CADPS2: variants seen among roughly 807,000 people sequenced by gnomAD.
The protein encoded by CADPS2 is calcium dependent secretion activator 2.
Under a neutral mutation model 172.5 loss-of-function variants are expected in CADPS2, and 93 were observed. The observed-to-expected ratio is 0.54, with a 90% CI of 0.46 to 0.64. The LOEUF (loss-of-function observed/expected upper bound fraction) is 0.64, where lower values mean the gene tolerates loss of function less well. Among genes scored for constraint, CADPS2 ranks in the 30% least tolerant of loss-of-function variants. The pLI, the probability that CADPS2 is intolerant of heterozygous loss-of-function variation, is 0.00. For missense variants in CADPS2, 1,420 were observed against 1,565.9 expected, an observed-to-expected ratio of 0.91 and a Z score of 1.57; for synonymous variants, 546 against 555.2, an observed-to-expected ratio of 0.98 and a Z score of 0.23.
chr7:122,332,528 T>G (rs1446729226), intron 28 of CADPS2, among the ~76,000 whole-genome samples: 1 of 152,114 alleles, frequency 6.6e-6, no homozygotes, highest in African/African-American at 2.4e-5. Flanking sequence ...AAGAGTATCA[T>G]GTCTATTAAG....
chr7:122,429,456 T>C (rs1165809653), intron 17 of CADPS2, among the ~76,000 whole-genome samples: 1 of 151,452 alleles, frequency 6.6e-6, no homozygotes, highest in Admixed American at 6.6e-5. Context: ...AGACAACAGG[T>C]TACTGTCTTT....
At chr7:122,849,905 A>G (rs1813059808) in intron 1 of CADPS2, 2 of 570,012 alleles carry the variant, frequency 3.5e-6, no homozygotes, top group Admixed American at 4.7e-5. Flanking sequence ...CCCTGCCCCA[A>G]CCATGGCATC....
intron 1 of CADPS2, among the ~76,000 whole-genome samples, chr7:122,873,619 TAC>T (rs946980311): frequency 8.5e-5 from 13 of 152,214 alleles, no homozygotes; most frequent in African/African-American, 2.9e-4. Flanking sequence ...TAAATAGTGC[TAC>T]AGTAAACGTA....
intron 1 of CADPS2, among the ~76,000 whole-genome samples, chr7:122,879,398 C>T (rs1415171209): frequency 1.3e-5 from 2 of 150,902 alleles, no homozygotes; most frequent in East Asian, 2.0e-4. Flanking sequence ...TAGCCAGACA[C>T]GGTGGCACGT....
chr7:122,605,265 CTT>C (rs779303035), intron 6 of CADPS2, among the ~76,000 whole-genome samples: 3 of 151,984 alleles, frequency 2.0e-5, no homozygotes, highest in Non-Finnish European at 4.4e-5. Context: ...CTACTACAGA[CTT>C]TATAAAAACT....
intron 2 of CADPS2, among the ~76,000 whole-genome samples, chr7:122,711,984 CAGTTA>C (rs1177479947): frequency 6.6e-6 from 1 of 151,864 alleles, no homozygotes; most frequent in Non-Finnish European, 1.5e-5. Flanking sequence ...ACATATTTTG[CAGTTA>C]AAACAGTACA....
intron 28 of CADPS2, among the ~76,000 whole-genome samples, chr7:122,334,597 T>G (rs1038152018): frequency 6.6e-6 from 1 of 152,210 alleles, no homozygotes. Flanking sequence ...TGCTCTTATC[T>G]CACAGTCACG....
chr7:122,848,360 AGGAAATAG>A (rs1419555121), intron 1 of CADPS2, among the ~76,000 whole-genome samples: 1 of 152,178 alleles, frequency 6.6e-6, no homozygotes, highest in Admixed American at 6.5e-5. Flanking sequence ...AAGATTCAAG[AGGAAATAG>A]GGCCCTCCTT....
chr7:122,364,211 G>T (rs2151172639), intron 25 of CADPS2, among the ~76,000 whole-genome samples: 1 of 151,872 alleles, frequency 6.6e-6, no homozygotes, highest in Admixed American at 6.6e-5. Context: ...AGGAGTTCAA[G>T]ACCAGCCTGG....
At chr7:122,563,547 T>C (rs919304689) in intron 7 of CADPS2, among the ~76,000 whole-genome samples, 3 of 152,182 alleles carry the variant, frequency 2.0e-5, no homozygotes, top group African/African-American at 7.2e-5. Flanking sequence ...CTTTCAATTT[T>C]ATATCGCCCC....
rs1459016849 is a variant in CADPS2, at chr7:122,679,964, T to C, written c.454-16395A>G. Among the ~76,000 whole-genome samples the C allele has an allele frequency of 2.6e-5, 4 of 152,216 alleles. 1 individual carries two copies. Among genetic ancestry groups the C allele is most frequent in the Non-Finnish European group, 5.9e-5 (4 of 68,042 alleles). On this transcript the variant is annotated intron_variant, in intron 2 of 29. Transcript: ENST00000449022. ...TATCATCTTTGCTTCCAAGTTAAACTATAAACTAAATCTTTGCCATGATTA... is the reference window on the plus strand; with the variant it reads ...TATCATCTTTGCTTCCAAGTTAAACCATAAACTAAATCTTTGCCATGATTA...
intron 7 of CADPS2, among the ~76,000 whole-genome samples, chr7:122,566,960 T>C (rs921678057): frequency 1.3e-5 from 2 of 152,226 alleles, no homozygotes; most frequent in African/African-American, 2.4e-5. Flanking sequence ...GGCCTTACCC[T>C]CAAAAGGATA....
chr7:122,667,631 G>A (rs1018083174), intron 2 of CADPS2, among the ~76,000 whole-genome samples: 9 of 152,018 alleles, frequency 5.9e-5, no homozygotes, highest in Non-Finnish European at 8.8e-5. Context: ...ATAATAGGGC[G>A]ACAGCAGCAA....
chr7:122,560,030 T>A (rs2065543166), intron 7 of CADPS2, among the ~76,000 whole-genome samples: 1 of 152,018 alleles, frequency 6.6e-6, no homozygotes, highest in African/African-American at 2.4e-5. Flanking sequence ...ATTGCCTGGT[T>A]AAAAAAGAGA....
At chr7:122,695,292 T>C (rs1252586498) in intron 2 of CADPS2, among the ~76,000 whole-genome samples, 1 of 152,218 alleles carries the variant, frequency 6.6e-6, no homozygotes, top group Non-Finnish European at 1.5e-5. Flanking sequence ...GCAAGCTTAA[T>C]TCTTACAAGG....
At chr7:122,489,856 T>C (rs2058133469) in intron 11 of CADPS2, among the ~76,000 whole-genome samples, 1 of 152,140 alleles carries the variant, frequency 6.6e-6, no homozygotes, top group Non-Finnish European at 1.5e-5. Flanking sequence ...TTTCTAGAAA[T>C]ACCCTAATGC....
intron 1 of CADPS2, among the ~76,000 whole-genome samples, chr7:122,831,598 C>T (rs926134727): frequency 6.6e-6 from 1 of 152,154 alleles, no homozygotes; most frequent in Non-Finnish European, 1.5e-5. Context: ...GAATTCCTGC[C>T]AATAGAATTT....
chr7:122,500,555 C>T (rs1204721588), intron 9 of CADPS2, among the ~76,000 whole-genome samples: 1 of 152,122 alleles, frequency 6.6e-6, no homozygotes, highest in Non-Finnish European at 1.5e-5. Context: ...GTAAACATCC[C>T]CTCATGCAAG....
chr7:122,717,950 AT>A, intron 2 of CADPS2, among the ~76,000 whole-genome samples: 1 of 139,206 alleles, frequency 7.2e-6, no homozygotes, highest in East Asian at 2.1e-4. Context: ...CTGGTACTAT[AT>A]AGGTGCATTC....
Sources: gnomAD v4.1 joint callset for allele counts (sites outside exome capture counted in the v4.1 genomes callset) on GRCh38, gnomAD v4.1.1 for gene constraint, MANE v1.5 for transcripts, NCBI Gene and HGNC (gene_info 2026-07-23, HGNC 2026-07-21) for gene names.